COL23A1: variants seen among roughly 807,000 people sequenced by gnomAD.
The protein encoded by COL23A1 is collagen alpha-1(XXIII) chain.
Under a neutral mutation model 99.3 loss-of-function variants are expected in COL23A1, and 97 were observed. The ratio of observed to expected loss-of-function variants is 0.98; its 90% CI spans 0.83 to 1.16. The LOEUF is 1.16. Among genes scored for constraint, COL23A1 ranks in the 50% most tolerant of loss-of-function variants. COL23A1 has a pLI of 0.00. For missense variants in COL23A1, 762 were observed against 757.4 expected (o/e 1.01, Z -0.07); for synonymous variants, 320 against 308.2 (o/e 1.04, Z -0.40).
intron 1 of COL23A1, chr5:178,562,458 G>C (rs912024125): frequency 1.3e-5 from 2 of 157,204 alleles, no homozygotes; most frequent in African/African-American, 4.9e-5. Flanking sequence ...CAGAGGCTGA[G>C]GCAGGAGAAT....
chr5:178,389,002 C>A (rs1022378140), intron 2 of COL23A1, among the ~76,000 whole-genome samples: 1 of 152,182 alleles, frequency 6.6e-6, no homozygotes. Context: ...TCCAGGGACA[C>A]TGATTTGGGG....
intron 1 of COL23A1, among the ~76,000 whole-genome samples, chr5:178,561,678 G>C (rs1762566269): frequency 6.6e-6 from 1 of 151,938 alleles, no homozygotes; most frequent in Non-Finnish European, 1.5e-5. Flanking sequence ...CTTTCTCTAG[G>C]GGAAAAAAAA....
At chr5:178,361,473 A>T (rs1302811970) in intron 2 of COL23A1, among the ~76,000 whole-genome samples, 1 of 151,974 alleles carries the variant, frequency 6.6e-6, no homozygotes, top group African/African-American at 2.4e-5. Context: ...ATGCTCTTAG[A>T]GTCTCGCTCT....
chr5:178,413,315 T>TC (rs1396556855), intron 2 of COL23A1, among the ~76,000 whole-genome samples: 1 of 152,206 alleles, frequency 6.6e-6, no homozygotes, highest in Non-Finnish European at 1.5e-5. Context: ...GTAGATTTTT[T>TC]CCCCCTTGAA....
At chr5:178,240,395 G>A (rs1293624888) in intron 27 of COL23A1, among the ~76,000 whole-genome samples, 1 of 152,146 alleles carries the variant, frequency 6.6e-6, no homozygotes, top group Non-Finnish European at 1.5e-5. Flanking sequence ...AGAGCCAAGG[G>A]CCCTGGCTGC....
At chr5:178,518,052 A>T (rs1230590106) in intron 2 of COL23A1, among the ~76,000 whole-genome samples, 3 of 129,736 alleles carry the variant, frequency 2.3e-5, no homozygotes, top group Non-Finnish European at 4.7e-5. Flanking sequence ...GGCCTTCCGC[A>T]GTGTTTGTGT....
chr5:178,552,915 G>A (rs262008), intron 2 of COL23A1, among the ~76,000 whole-genome samples: 4,533 of 151,980 alleles, frequency 0.03, 85 homozygotes, highest in Admixed American at 0.059. Context: ...TCACCATGTT[G>A]GCCAGGATGG....
chr5:178,449,275 T>C (rs73805804), intron 2 of COL23A1, among the ~76,000 whole-genome samples: 7,038 of 152,302 alleles, frequency 0.046, 560 homozygotes, highest in African/African-American at 0.16. Context: ...CTGCCTGCCC[T>C]GTGTCTGGCC....
intron 3 of COL23A1, 128 bp from the exon 4 acceptor site, chr5:178,290,497 C>T: frequency 1.7e-6 from 2 of 1,208,338 alleles, no homozygotes; most frequent in Non-Finnish European, 1.2e-6. Context: ...GGCTTTGATG[C>T]TGCCATGGCT....
In COL23A1 at chr5:178,298,807, C is replaced by T. The variant is rs118024815; in HGVS notation, c.406+8068G>A. On this transcript the variant is annotated intron_variant, in intron 3 of 28. Transcript: ENST00000390654. ...AACTCCTGACCTCAAGCGATTTGCC[C>T]GCCTTGGCCTCCCAAAGTGCTGGGA... Among the ~76,000 whole-genome samples the T allele has an allele frequency of 2.2e-3, 336 of 152,320 alleles. 9 individuals are homozygous for T. The East Asian group carries it at 0.054, about 25-fold the overall frequency.
At chr5:178,502,188 G>A (rs1321408667) in intron 2 of COL23A1, among the ~76,000 whole-genome samples, 8 of 152,184 alleles carry the variant, frequency 5.3e-5, no homozygotes, top group East Asian at 3.9e-4. Context: ...CTGGAGTGCA[G>A]TGGCGTGATC....
Position 178,257,431 on chromosome 5 carries a change from G to A in COL23A1, c.774+92C>T, listed in dbSNP as rs1765367763. 3 of 1,435,096 alleles carry A rather than the reference G, an allele frequency of 2.1e-6. No homozygotes were observed. In the African/African-American group the frequency reaches 4.2e-5, roughly 20 times the overall value. The allele number at this position is 1,435,096 out of a possible 1,614,324, so 88.9% of individuals were successfully genotyped here. A position where few individuals can be genotyped will look rare whatever the true frequency, so the allele number is the denominator to read the frequency against. On this transcript the variant is annotated intron_variant, in intron 13 of 28. Coordinates refer to ENST00000390654, the MANE Select transcript of COL23A1 (RefSeq NM_173465.4). ...CTGGGCACTGGCCTAGGAACCCGTGGTGCCAAAGGTCCAGGGTAGGGACTT... is the reference window on the plus strand; with the variant it reads ...CTGGGCACTGGCCTAGGAACCCGTGATGCCAAAGGTCCAGGGTAGGGACTT...
intron 2 of COL23A1, among the ~76,000 whole-genome samples, chr5:178,363,401 C>T (rs184839649): frequency 9.8e-5 from 15 of 152,298 alleles, no homozygotes; most frequent in African/African-American, 3.4e-4. Flanking sequence ...CTGGCTGACA[C>T]AGTGCACTCA....
chr5:178,485,789 A>AC (rs1425838764), intron 2 of COL23A1, among the ~76,000 whole-genome samples: 1 of 151,342 alleles, frequency 6.6e-6, no homozygotes, highest in African/African-American at 2.4e-5. Flanking sequence ...CAAAAAAAAA[A>AC]AAAAAAAAAC....
rs957194755 is a variant in COL23A1 at position 178,406,482 on chromosome 5, T to A, written c.362-99563A>T. On this transcript the variant is annotated intron_variant, in intron 2 of 28. Transcript: ENST00000390654. ...TCTCGCTCTGTCATCCAGGCTGGAG[T>A]GAAATGGCGACATCTCGGCTCACTG... is the stretch of plus-strand genomic sequence containing the variant. Among the ~76,000 whole-genome samples the A allele has an allele frequency of 2.7e-5, 4 of 147,782 alleles. No individual in the cohort carries two copies. The Admixed American group carries it at 2.8e-4, about 10-fold the overall frequency.
Position 178,306,921 on chromosome 5 carries a change from T to G in COL23A1, c.362-2A>C. ...GCTTGCCGCGCCGTCCAGGGGGCCC[T>G]AGACAGGAAAACAAGAATGCATTCA... On this transcript the variant is annotated splice_acceptor_variant, in intron 2 of 28. Coordinates refer to ENST00000390654, the MANE Select transcript of COL23A1 (RefSeq NM_173465.4). LOFTEE classifies it high-confidence loss of function. The surrounding 1 kb of genome is among the most constrained non-coding windows in gnomAD (Gnocchi z 4.1). 1 of 1,527,600 alleles carries G rather than the reference T, an allele frequency of 6.5e-7. No homozygotes were observed. The highest frequency in any genetic ancestry group is 8.8e-7 in the Non-Finnish European group (1 of 1,136,802). The allele number at this position is 1,527,600 out of a possible 1,614,324, so 94.6% of individuals were successfully genotyped here.
chr5:178,387,381 A>G lies in COL23A1; in HGVS notation c.362-80462T>C, dbSNP rs1763729771. ...CAAGTCTCTAAGACACTGCTGGGTCAAGCCTCAGTGCGTTTGCCCAGGTGG... is the reference window on the plus strand; with the variant it reads ...CAAGTCTCTAAGACACTGCTGGGTCGAGCCTCAGTGCGTTTGCCCAGGTGG... On this transcript the variant is annotated intron_variant, in intron 2 of 28. Transcript: ENST00000390654. This position sits in a 1 kb window ranked among gnomAD's most constrained non-coding sequence, Gnocchi z 4.7. 6.6e-6 allele frequency among the ~76,000 whole-genome samples: 1 copy of G among 152,188 alleles called. No individual in the cohort carries two copies. Among genetic ancestry groups the G allele is most frequent in the Admixed American group, 6.5e-5 (1 of 15,288 alleles).
intron 2 of COL23A1, among the ~76,000 whole-genome samples, 196 bp downstream of exon 2, chr5:178,560,486 A>G (rs1033889327): frequency 6.6e-6 from 1 of 152,234 alleles, no homozygotes. Context: ...CCACCCAGCA[A>G]ACCGAGTCCG....
rs1766044978 is a variant in COL23A1 at position 178,428,030 on chromosome 5, C to T, written c.362-121111G>A. Among the ~76,000 whole-genome samples the T allele has an allele frequency of 6.7e-6, 1 of 148,522 alleles. No individual in the cohort carries two copies. The highest frequency in any genetic ancestry group is 1.5e-5 in the Non-Finnish European group (1 of 67,990). On this transcript the variant is annotated intron_variant, in intron 2 of 28. Transcript: ENST00000390654. The surrounding 1 kb of genome is among the most constrained non-coding windows in gnomAD (Gnocchi z 5.0). ...CTGGTGGGGGATGTTGATCCCTGAT[C>T]CAGGGAGGAAGGAGTATTAGGAAGC...
Sources: gnomAD v4.1 joint callset for allele counts (sites outside exome capture counted in the v4.1 genomes callset) on GRCh38, gnomAD v4.1.1 for gene constraint, Gnocchi (gnomAD v3.1) non-coding constraint, MANE v1.5 for transcripts, NCBI Gene and HGNC (gene_info 2026-07-23, HGNC 2026-07-21) for gene names.